SPATA16: variants seen among roughly 807,000 people sequenced by gnomAD.
SPATA16 encodes spermatogenesis-associated protein 16.
In SPATA16, 36 loss-of-function variants were observed where a neutral mutation model predicts 63.3. The observed-to-expected ratio is 0.57, with a 90% confidence interval of 0.44 to 0.75. SPATA16 has a LOEUF of 0.75. Ranked by LOEUF, SPATA16 falls within the 30% of genes least tolerant of loss-of-function variation. SPATA16 has a pLI of 0.00. For missense variants in SPATA16, 646 were observed against 679.3 expected, an observed-to-expected ratio of 0.95 and a Z score of 0.54; for synonymous variants, 203 against 216.7, an observed-to-expected ratio of 0.94 and a Z score of 0.56.
intron 1 of SPATA16, among the ~76,000 whole-genome samples, chr3:173,128,997 G>T (rs1275910232): frequency 6.6e-6 from 1 of 152,206 alleles, no homozygotes; most frequent in African/African-American, 2.4e-5. Context: ...ATTAGCTGTT[G>T]ATGCTAAAGA....
chr3:172,974,171 G>C (rs1734105109), intron 5 of SPATA16, among the ~76,000 whole-genome samples: 1 of 152,096 alleles, frequency 6.6e-6, no homozygotes, highest in African/African-American at 2.4e-5. Flanking sequence ...CCATGTATAA[G>C]AGTAAATATA....
chr3:173,091,881 A>G (rs1353953360), intron 2 of SPATA16, among the ~76,000 whole-genome samples: 1 of 152,150 alleles, frequency 6.6e-6, no homozygotes, highest in Non-Finnish European at 1.5e-5. Context: ...TGTCTTGTCA[A>G]CAAGACAGTA....
At chr3:173,124,816 G>T (rs1260193186) in intron 1 of SPATA16, among the ~76,000 whole-genome samples, 1 of 151,596 alleles carries the variant, frequency 6.6e-6, no homozygotes, top group Admixed American at 6.6e-5. Context: ...TCCTGGATTG[G>T]CTGTTCCTTT....
chr3:173,053,809 C>G (rs1285978036), intron 2 of SPATA16, among the ~76,000 whole-genome samples: 3 of 151,874 alleles, frequency 2.0e-5, no homozygotes, highest in African/African-American at 7.3e-5. Flanking sequence ...CAAATGTCTA[C>G]AAATAAGGAT....
intron 10 of SPATA16, among the ~76,000 whole-genome samples, chr3:172,904,077 T>A (rs983970917): frequency 6.6e-6 from 1 of 152,196 alleles, no homozygotes; most frequent in Non-Finnish European, 1.5e-5. Context: ...AAAGTTGGGC[T>A]TGTTTTCTTA....
chr3:173,090,248 A>T (rs1737190377), intron 2 of SPATA16, among the ~76,000 whole-genome samples: 1 of 152,152 alleles, frequency 6.6e-6, no homozygotes, highest in African/African-American at 2.4e-5. Context: ...AAAAGTGTGT[A>T]GCACCTCCCT....
chr3:172,912,452 G>GT (rs914367004), intron 10 of SPATA16, among the ~76,000 whole-genome samples: 1 of 151,894 alleles, frequency 6.6e-6, no homozygotes, highest in Non-Finnish European at 1.5e-5. Flanking sequence ...CAGTTTCTGG[G>GT]TTTTTTTGTA....
At chr3:173,011,159 C>G (rs1283431695) in intron 4 of SPATA16, among the ~76,000 whole-genome samples, 3 of 152,086 alleles carry the variant, frequency 2.0e-5, no homozygotes, top group Non-Finnish European at 2.9e-5. Flanking sequence ...GGCACAAAAT[C>G]AACAAAATAC....
intron 2 of SPATA16, among the ~76,000 whole-genome samples, chr3:173,068,051 G>A (rs1201149150): frequency 1.3e-5 from 2 of 152,034 alleles, no homozygotes; most frequent in African/African-American, 4.8e-5. Flanking sequence ...AAAAGCTGTG[G>A]GACTTCATCA....
At chr3:173,034,064 A>G (rs2108285720) in intron 3 of SPATA16, among the ~76,000 whole-genome samples, 1 of 152,214 alleles carries the variant, frequency 6.6e-6, no homozygotes, top group African/African-American at 2.4e-5. Flanking sequence ...CCTCTGTTCT[A>G]CCTATTGGAA....
At chr3:172,980,116 G>C (rs1734264102) in intron 4 of SPATA16, among the ~76,000 whole-genome samples, 1 of 152,174 alleles carries the variant, frequency 6.6e-6, no homozygotes, top group African/African-American at 2.4e-5. Context: ...GTGAAACTTA[G>C]TGAAATGATA....
At chr3:173,085,009 T>G (rs1737015072) in intron 2 of SPATA16, among the ~76,000 whole-genome samples, 3 of 152,222 alleles carry the variant, frequency 2.0e-5, no homozygotes, top group Admixed American at 1.3e-4. Context: ...GGGCTCTTTT[T>G]GGCTCCATAT....
intron 2 of SPATA16, among the ~76,000 whole-genome samples, chr3:173,068,127 T>G (rs1736567228): frequency 6.6e-6 from 1 of 152,216 alleles, no homozygotes; most frequent in Admixed American, 6.5e-5. Flanking sequence ...ACGAAGTTAA[T>G]GTATAACAAG....
chr3:172,897,635 T>C (rs1732033961), intron 10 of SPATA16, among the ~76,000 whole-genome samples: 1 of 152,138 alleles, frequency 6.6e-6, no homozygotes, highest in Non-Finnish European at 1.5e-5. Flanking sequence ...TTGTCTTGTA[T>C]CTTGCAACCT....
rs1311742868 is a variant in SPATA16, at chr3:172,983,966, C to T, written c.849-6914G>A. 4.0e-5 allele frequency among the ~76,000 whole-genome samples: 6 copies of T among 151,702 alleles called. No individual in the cohort carries two copies. The East Asian group carries it at 5.8e-4, about 15-fold the overall frequency. On this transcript the variant is annotated intron_variant, in intron 4 of 10. Coordinates refer to ENST00000351008, the MANE Select transcript of SPATA16 (RefSeq NM_031955.6). ...AGGCCCCACCCCCACCCCCTGGCCC[C>T]GCCCTGCTATTCCTAAACCAGAACC...
chr3:173,068,015 A>T (rs1736563904), intron 2 of SPATA16, among the ~76,000 whole-genome samples: 1 of 152,270 alleles, frequency 6.6e-6, no homozygotes, highest in African/African-American at 2.4e-5. Flanking sequence ...CAGCAAAATT[A>T]TCCTTCAAAC....
intron 1 of SPATA16, among the ~76,000 whole-genome samples, chr3:173,138,166 T>A (rs1204397286): frequency 6.6e-6 from 1 of 152,208 alleles, no homozygotes; most frequent in Non-Finnish European, 1.5e-5. Flanking sequence ...CAGCATTGAA[T>A]TCTTCTGCCT....
chr3:172,985,971 G>C (rs1025437591), intron 4 of SPATA16, among the ~76,000 whole-genome samples: 5 of 152,202 alleles, frequency 3.3e-5, no homozygotes, highest in Non-Finnish European at 7.3e-5. Context: ...AAAAATCTCA[G>C]CCATTGCTAG....
chr3:172,969,578 A>G (rs770575412), intron 5 of SPATA16, among the ~76,000 whole-genome samples: 27 of 152,190 alleles, frequency 1.8e-4, no homozygotes, highest in Admixed American at 1.5e-3. Flanking sequence ...AGTGACTCTG[A>G]TGCAGTTGGT....
Sources: allele counts gnomAD v4.1 joint callset (sites outside exome capture counted in the v4.1 genomes callset), GRCh38; gene constraint gnomAD v4.1.1; transcripts MANE v1.5; gene names NCBI Gene and HGNC (gene_info 2026-07-23, HGNC 2026-07-21).